The following NRXN1 variants were observed in gnomAD, a reference collection of about 807,000 sequenced individuals.
NRXN1 encodes neurexin 1.
A neutral mutation model predicts 150.9 loss-of-function variants in NRXN1; 39 were observed. The observed-to-expected ratio is 0.26, with a 90% CI of 0.20 to 0.34. The LOEUF (loss-of-function observed/expected upper bound fraction) is 0.34, where lower values mean the gene tolerates loss of function less well. NRXN1 is among the 10% of genes least tolerant of loss of function. NRXN1 has a pLI of 1.00. For synonymous variants in NRXN1, 924 were observed against 757.0 expected (o/e 1.22, Z -3.62); for missense variants, 1,815 against 1,949.9 (o/e 0.93, Z 1.30).
intron 21 of NRXN1, among the ~76,000 whole-genome samples, chr2:50,010,938 A>G (rs1685560646): frequency 6.6e-6 from 1 of 152,184 alleles, no homozygotes; most frequent in Non-Finnish European, 1.5e-5. Context: ...TCTGCAAGGT[A>G]GCAAATCATT....
chr2:50,389,574 C>G (rs2081554070), intron 17 of NRXN1, among the ~76,000 whole-genome samples: 1 of 151,782 alleles, frequency 6.6e-6, no homozygotes, highest in Non-Finnish European at 1.5e-5. Flanking sequence ...TATCTATGTC[C>G]AATTAGTTTT....
At chr2:50,938,956 A>G (rs1688963724) in intron 2 of NRXN1, among the ~76,000 whole-genome samples, 1 of 152,164 alleles carries the variant, frequency 6.6e-6, no homozygotes, top group South Asian at 2.1e-4. Flanking sequence ...TCATGCCTAT[A>G]ATCCCTGCAC....
chr2:50,984,845 T>C (rs1697435591), intron 2 of NRXN1, among the ~76,000 whole-genome samples: 1 of 152,056 alleles, frequency 6.6e-6, no homozygotes. Flanking sequence ...GAGTAATTAG[T>C]TTGTATTTAC....
intron 2 of NRXN1, among the ~76,000 whole-genome samples, chr2:50,961,637 A>C (rs1283297709): frequency 6.6e-6 from 1 of 151,822 alleles, no homozygotes; most frequent in East Asian, 1.9e-4. Context: ...AATTAAGCTA[A>C]GCTATTTGGA....
At chr2:49,996,471 A>T (rs1683021835) in intron 21 of NRXN1, among the ~76,000 whole-genome samples, 1 of 152,190 alleles carries the variant, frequency 6.6e-6, no homozygotes, top group Non-Finnish European at 1.5e-5. Context: ...AATCTCTGGA[A>T]TTTTTAAATA....
chr2:50,045,012 A>G (rs574798184), intron 21 of NRXN1, among the ~76,000 whole-genome samples: 80 of 152,270 alleles, frequency 5.3e-4, no homozygotes, highest in African/African-American at 1.8e-3. Context: ...GATTTCATAT[A>G]AAGAGAATAG....
At chr2:50,007,827 G>C (rs1685017340) in intron 21 of NRXN1, among the ~76,000 whole-genome samples, 1 of 152,070 alleles carries the variant, frequency 6.6e-6, no homozygotes, top group Non-Finnish European at 1.5e-5. Context: ...CACAGTGGTT[G>C]AACTAATTTA....
At chr2:50,484,116 A>G (rs1350754100) in intron 15 of NRXN1, among the ~76,000 whole-genome samples, 1 of 152,188 alleles carries the variant, frequency 6.6e-6, no homozygotes, top group East Asian at 1.9e-4. Flanking sequence ...GGTTATAGCC[A>G]CCAGTGGTTT....
chr2:50,507,543 G>C (rs541409808), intron 12 of NRXN1, among the ~76,000 whole-genome samples: 1 of 141,170 alleles, frequency 7.1e-6, no homozygotes, highest in Non-Finnish European at 1.5e-5. Flanking sequence ...CTATGCAAAT[G>C]AAATTTAAAT....
At chr2:50,983,698 G>GA (rs763887473) in intron 2 of NRXN1, among the ~76,000 whole-genome samples, 13 of 152,004 alleles carry the variant, frequency 8.6e-5, no homozygotes, top group Admixed American at 2.0e-4. Context: ...CGTAAAAAAA[G>GA]AAAAAACATA....
chr2:50,669,847 T>TA (rs1036930433), intron 5 of NRXN1, among the ~76,000 whole-genome samples: 21 of 145,252 alleles, frequency 1.4e-4, no homozygotes, highest in African/African-American at 4.4e-4. Context: ...AAAATAAAAA[T>TA]AAAAAAAGAT....
chr2:50,452,642 G>C (rs898553314), intron 17 of NRXN1, among the ~76,000 whole-genome samples: 1 of 152,202 alleles, frequency 6.6e-6, no homozygotes, highest in Non-Finnish European at 1.5e-5. Context: ...TGTTTAGCAA[G>C]TGGTAAGAAT....
intron 5 of NRXN1, among the ~76,000 whole-genome samples, chr2:50,813,088 G>A (rs1185943377): frequency 6.6e-6 from 1 of 151,964 alleles, no homozygotes; most frequent in African/African-American, 2.4e-5. Context: ...CAGCTACATG[G>A]GAGGCTGAGT....
At chr2:50,312,666 G>C in intron 17 of NRXN1, 1 of 488,300 alleles carries the variant, frequency 2.0e-6, no homozygotes, top group South Asian at 1.5e-5. Flanking sequence ...ATCTCAGACA[G>C]TCCATCTGAT....
chr2:51,028,145 G>A lies in NRXN1; in HGVS notation c.129C>T (p.Phe43=), dbSNP rs554874239. The A allele has an allele frequency of 5.2e-6, 8 of 1,550,204 alleles. No individual in the cohort carries two copies. In the African/African-American group the frequency reaches 1.1e-4, roughly 21 times the overall value. The stretch of plus-strand genomic sequence containing the variant: ...TCTCGCAGCAGGCGTTCCACTTGGG[G>A]AAGCGCGTCCATTGGCCCTCGGCGC... ...FPGAEGQWTR[F]PKWNACCESE... The change falls in exon 2 of 23, where the codon TTC becomes TTT. Residue 43 remains phenylalanine (F), a synonymous_variant. Coordinates refer to ENST00000401669, the MANE Select transcript of NRXN1 (RefSeq NM_001330078.2).
chr2:50,337,856 A>T (rs973207582), intron 17 of NRXN1, among the ~76,000 whole-genome samples: 3 of 152,238 alleles, frequency 2.0e-5, no homozygotes, highest in Non-Finnish European at 4.4e-5. Flanking sequence ...CTGAGGCAAA[A>T]TGTTAACAGT....
chr2:50,499,818 G>T (rs1300013478), intron 13 of NRXN1, among the ~76,000 whole-genome samples: 1 of 151,698 alleles, frequency 6.6e-6, no homozygotes, highest in African/African-American at 2.4e-5. Context: ...CGTGGTGGTG[G>T]GCGCCTGTAA....
chr2:50,589,410 C>T (rs190261395), intron 8 of NRXN1: 10 of 152,352 alleles, frequency 6.6e-5, no homozygotes, highest in South Asian at 2.1e-4. Flanking sequence ...CTGTCCAGCC[C>T]GTTCCAGGTG....
chr2:50,906,089 C>A (rs1683631101), intron 5 of NRXN1, among the ~76,000 whole-genome samples: 1 of 152,178 alleles, frequency 6.6e-6, no homozygotes, highest in South Asian at 2.1e-4. Flanking sequence ...GTGGTGGTTA[C>A]ACTAGGGGCA....
Sources: allele counts gnomAD v4.1 joint callset (sites outside exome capture counted in the v4.1 genomes callset), GRCh38; gene constraint gnomAD v4.1.1; transcripts MANE v1.5; gene names NCBI Gene and HGNC (gene_info 2026-07-23, HGNC 2026-07-21).